The following CXXC4 variants were observed in gnomAD, a reference collection of about 807,000 sequenced individuals.
The protein encoded by CXXC4 is CXXC-type zinc finger protein 4.
A neutral mutation model predicts 20.5 loss-of-function variants in CXXC4; 5 were observed. That is an observed-to-expected ratio of 0.24 (90% CI 0.13 to 0.51). The LOEUF is 0.51. Ranked by LOEUF, CXXC4 falls within the 20% of genes least tolerant of loss-of-function variation. The pLI, the probability that CXXC4 is intolerant of heterozygous loss-of-function variation, is 0.97. For missense variants in CXXC4, 419 were observed against 496.4 expected (o/e 0.84, Z 1.48); for synonymous variants, 250 against 216.4 (o/e 1.16, Z -1.36).
chr4:104,474,674 A>G (rs1736358261), intron 2 of CXXC4, among the ~76,000 whole-genome samples: 1 of 152,102 alleles, frequency 6.6e-6, no homozygotes, highest in Non-Finnish European at 1.5e-5. Context: ...ATATTCATAT[A>G]TATTCACATT....
rs1432809023 is a variant in CXXC4, at chr4:104,479,902, G to A, written c.1060-7536C>T. On this transcript the variant is annotated intron_variant, in intron 2 of 2. Coordinates refer to ENST00000394767, the MANE Select transcript of CXXC4 (RefSeq NM_025212.4). ...TCAAATTAACAATCACTCTGACTTC[G>A]ACTTTTGGTCTTTTCTCTTAATTCT... 3.3e-5 allele frequency among the ~76,000 whole-genome samples: 5 copies of A among 151,184 alleles called. No homozygotes were observed. The South Asian group carries it at 1.0e-3, about 32-fold the overall frequency.
rs1736279677 is a variant in CXXC4, at chr4:104,471,646, C to T, written c.*676G>A. ...AATTGAAACTTTCATAACATCTTCC[C>T]CTCTTATAACAATAAAACTGAAGGT... On this transcript the variant is annotated 3_prime_UTR_variant, in exon 3 of 3. Coordinates refer to ENST00000394767, the MANE Select transcript of CXXC4 (RefSeq NM_025212.4). 1 of 151,942 alleles carries T rather than the reference C, an allele frequency of 6.6e-6. No homozygotes were observed. The highest frequency in any genetic ancestry group is 2.1e-4 in the South Asian group (1 of 4,828). 9.4% of individuals were successfully genotyped at this position (151,942 alleles called of 1,614,324 possible). A position where few individuals can be genotyped will look rare whatever the true frequency, so the allele number is the denominator to read the frequency against.
At chr4:104,487,291 T>C (rs936845800) in intron 2 of CXXC4, among the ~76,000 whole-genome samples, 2 of 152,136 alleles carry the variant, frequency 1.3e-5, no homozygotes, top group African/African-American at 4.8e-5. Flanking sequence ...TGCTTACTAA[T>C]GTAATTCCAT....
At position 104,490,929 on chromosome 4, in the gene CXXC4, A is replaced by C. The variant is rs762670643; in HGVS notation, c.874T>G (p.Ser292Ala). 1 of 1,614,032 alleles carries C rather than the reference A, an allele frequency of 6.2e-7. No individual in the cohort carries two copies. Among genetic ancestry groups the C allele is most frequent in the South Asian group, 1.1e-5 (1 of 91,076 alleles). ...GGGTTGGCTCCGCCAGCTCCCCCTG[A>C]GGAGGACGAGGAGGAGGAGGAATGA... Reference protein sequence around the residue: ...QNHSSSSSSSSGGAGGANPAK... With the variant: ...QNHSSSSSSSAGGAGGANPAK... The change falls in exon 2 of 3, where the codon TCA becomes GCA. Residue 292 changes from serine to alanine, a missense_variant. Transcript: ENST00000394767.
chr4:104,475,694 A>G (rs1736384462), intron 2 of CXXC4, among the ~76,000 whole-genome samples: 1 of 152,156 alleles, frequency 6.6e-6, no homozygotes, highest in Admixed American at 6.6e-5. Context: ...TACCCTGACC[A>G]GCCACCTTTG....
In CXXC4 at chr4:104,491,271, T is replaced by G. The variant is rs1736846132; in HGVS notation, c.532A>C (p.Arg178=). 1 of 1,611,728 alleles carries G rather than the reference T, an allele frequency of 6.2e-7. No homozygotes were observed. Among genetic ancestry groups the G allele is most frequent in the South Asian group, 1.1e-5 (1 of 91,040 alleles). ...TSMHHRNDSQ[R]LGKAGCPPEP... ...GGCGGGCAGCCAGCTTTCCCCAGCC[T>G]CTGGGAGTCGTTTCGGTGGTGCATG... The change falls in exon 2 of 3, where the codon AGG becomes CGG. Residue 178 remains arginine, a synonymous_variant. Coordinates refer to ENST00000394767, the MANE Select transcript of CXXC4 (RefSeq NM_025212.4).
intron 2 of CXXC4, among the ~76,000 whole-genome samples, chr4:104,477,630 A>G (rs1736447069): frequency 6.6e-6 from 1 of 152,052 alleles, no homozygotes; most frequent in Admixed American, 6.5e-5. Context: ...AAACACTAGT[A>G]AAGTATAGGC....
Position 104,469,666 on chromosome 4 carries a change from C to T in CXXC4, c.*2656G>A, listed in dbSNP as rs1222201967. The T allele has an allele frequency of 6.6e-6, 1 of 151,996 alleles. No homozygotes were observed. The highest frequency in any genetic ancestry group is 2.4e-5 in the African/African-American group (1 of 41,406). 9.4% of individuals were successfully genotyped at this position (151,996 alleles called of 1,614,324 possible). On this transcript the variant is annotated 3_prime_UTR_variant, in exon 3 of 3. Coordinates refer to ENST00000394767, the MANE Select transcript of CXXC4 (RefSeq NM_025212.4). Reference sequence around the variant, plus strand: ...TAGAGAAAGGCCAGAAGAGTCATCTCTTTCTTCAACATCACCAATGAGAAC... The same window carrying T: ...TAGAGAAAGGCCAGAAGAGTCATCTTTTTCTTCAACATCACCAATGAGAAC...
chr4:104,475,693 C>T (rs373891432), intron 2 of CXXC4, among the ~76,000 whole-genome samples: 17 of 152,096 alleles, frequency 1.1e-4, no homozygotes, highest in African/African-American at 3.6e-4. Flanking sequence ...ATACCCTGAC[C>T]AGCCACCTTT....
At chr4:104,476,320 C>T (rs996798892) in intron 2 of CXXC4, among the ~76,000 whole-genome samples, 1 of 152,092 alleles carries the variant, frequency 6.6e-6, no homozygotes, top group Non-Finnish European at 1.5e-5. Flanking sequence ...TCTTCTCATA[C>T]CTGCGAAGCA....
At chr4:104,474,947 C>T (rs1451145179) in intron 2 of CXXC4, 1 of 151,990 alleles carries the variant, frequency 6.6e-6, no homozygotes, top group Non-Finnish European at 1.5e-5. Flanking sequence ...TTAGAAAAAG[C>T]AAGCTTATAA....
At chr4:104,489,440 CA>C (rs1736779100) in intron 2 of CXXC4, among the ~76,000 whole-genome samples, 1 of 152,074 alleles carries the variant, frequency 6.6e-6, no homozygotes, top group Non-Finnish European at 1.5e-5. Context: ...GTTCATAAAG[CA>C]AACTCCTCTA....
At chr4:104,483,889 T>C (rs7670920) in intron 2 of CXXC4, among the ~76,000 whole-genome samples, 18,320 of 151,964 alleles carry the variant, frequency 0.12, 3,120 homozygotes, top group African/African-American at 0.38. Flanking sequence ...GCTCACCATA[T>C]TGACTGACTT....
chr4:104,490,430 G>A (rs1409168943), intron 2 of CXXC4, among the ~76,000 whole-genome samples: 1 of 152,136 alleles, frequency 6.6e-6, no homozygotes, highest in Non-Finnish European at 1.5e-5. Flanking sequence ...AGGAGGAGGG[G>A]GCATTTTAAA....
At position 104,486,384 on chromosome 4, in the gene CXXC4, A is replaced by G. The variant is rs555462486; in HGVS notation, c.1059+4360T>C. Among the ~76,000 whole-genome samples, 90 of 152,174 alleles carry G rather than the reference A, an allele frequency of 5.9e-4. No individual in the cohort carries two copies. The South Asian group carries it at 0.018, about 31-fold the overall frequency. The stretch of plus-strand genomic sequence containing the variant: ...TTTTGCAGTTTGATGCCTTGGCCAC[A>G]AATTCATTTGTGGCTTTAGTCAAAG... On this transcript the variant is annotated intron_variant, in intron 2 of 2. Transcript: ENST00000394767.
rs1368869872 is a variant in CXXC4, at chr4:104,469,518, T to C, written c.*2804A>G. 2 of 152,084 alleles carry C rather than the reference T, an allele frequency of 1.3e-5. No individual in the cohort carries two copies. The highest frequency in any genetic ancestry group is 6.6e-5 in the Admixed American group (1 of 15,240). The allele number at this position is 152,084 out of a possible 1,614,324, so 9.4% of individuals were successfully genotyped here. A position where few individuals can be genotyped will look rare whatever the true frequency, so the allele number is the denominator to read the frequency against. ...ATATAAAACACACAGTGAGGAATAT[T>C]TAAAAGTTACATTTCATTGGTATTT... On this transcript the variant is annotated 3_prime_UTR_variant, in exon 3 of 3. Coordinates refer to ENST00000394767, the MANE Select transcript of CXXC4 (RefSeq NM_025212.4).
At position 104,470,088 on chromosome 4, in the gene CXXC4, T is replaced by C. The variant is rs1478543283; in HGVS notation, c.*2234A>G. ...GAGCAAGGCAAGCTTATCATTCAAG[T>C]GTGAAAGTAAGTTTTCACTTACTTG... On this transcript the variant is annotated 3_prime_UTR_variant, in exon 3 of 3. Coordinates refer to ENST00000394767, the MANE Select transcript of CXXC4 (RefSeq NM_025212.4). The C allele has an allele frequency of 3.3e-5, 5 of 151,416 alleles. No homozygotes were observed. The highest frequency in any genetic ancestry group is 1.2e-4 in the African/African-American group (5 of 41,208). The allele number at this position is 151,416 out of a possible 1,614,324, so 9.4% of individuals were successfully genotyped here. A position where few individuals can be genotyped will look rare whatever the true frequency, so the allele number is the denominator to read the frequency against.
chr4:104,469,855 T>C lies in CXXC4; in HGVS notation c.*2467A>G, dbSNP rs1415487003. 1.3e-5 allele frequency: 2 copies of C among 151,994 alleles called. No individual in the cohort carries two copies. 9.4% of individuals were successfully genotyped at this position (151,994 alleles called of 1,614,324 possible). ...AATTTTCTTTCATTAAAAAAATGAA[T>C]TGACATGTAAAACACCACAGTTTAC... On this transcript the variant is annotated 3_prime_UTR_variant, in exon 3 of 3. Coordinates refer to ENST00000394767, the MANE Select transcript of CXXC4 (RefSeq NM_025212.4).
rs199865231 is a variant in CXXC4, at chr4:104,491,196, G to C, written c.607C>G (p.Pro203Ala). 2 of 1,613,774 alleles carry C rather than the reference G, an allele frequency of 1.2e-6. No individual in the cohort carries two copies. Among genetic ancestry groups the C allele is most frequent in the Non-Finnish European group, 1.7e-6 (2 of 1,179,982 alleles). Residue 203 changes from proline (P) to alanine (A), a missense_variant, in exon 2 of 3, where the codon CCT (proline) becomes GCT (alanine). Pro to Ala is a conservative substitution (Grantham distance 27, BLOSUM62 -1). Around this residue, in one of 3 missense-constraint regions of CXXC4, gnomAD observed 388 missense variants for 416.0 expected, o/e 0.93. Coordinates refer to ENST00000394767, the MANE Select transcript of CXXC4 (RefSeq NM_025212.4). ...CCCGCCAAAGGTCTGCAGTGTTCAG[G>C]GGATAAGGTGGAGAGGAAATTAGTA... ...ANTNFLSTLS[P>A]EHCRPLAGEC...
Sources: gnomAD v4.1 joint callset for allele counts (sites outside exome capture counted in the v4.1 genomes callset) on GRCh38, gnomAD v4.1.1 for gene constraint, gnomAD v4.1.1 regional missense constraint, MANE v1.5 for transcripts, NCBI Gene and HGNC (gene_info 2026-07-23, HGNC 2026-07-21) for gene names.